The following ADGRV1 variants were observed in gnomAD, a reference collection of about 807,000 sequenced individuals.
ADGRV1 encodes adhesion G protein-coupled receptor V1.
A neutral mutation model predicts 596.2 loss-of-function variants in ADGRV1; 359 were observed. The ratio of observed to expected loss-of-function variants is 0.60; its 90% CI spans 0.55 to 0.66. ADGRV1 has a LOEUF of 0.66. ADGRV1 is among the 30% of genes least tolerant of loss of function. The pLI is 0.00. For synonymous variants in ADGRV1, 2,681 were observed against 2,679.2 expected, an observed-to-expected ratio of 1.00 and a Z score of -0.02; for missense variants, 7,274 against 7,575.6, an observed-to-expected ratio of 0.96 and a Z score of 1.48.
chr5:90,987,785 T>G (rs1276466381), intron 85 of ADGRV1, among the ~76,000 whole-genome samples: 1 of 152,110 alleles, frequency 6.6e-6, no homozygotes, highest in Non-Finnish European at 1.5e-5. Flanking sequence ...TTGCTTGTCT[T>G]CTAGGCTCTT....
At chr5:90,640,228 G>C (rs906833911) in intron 11 of ADGRV1, among the ~76,000 whole-genome samples, 1 of 152,124 alleles carries the variant, frequency 6.6e-6, no homozygotes. Context: ...GAAATACACT[G>C]TGGATTTGGA....
At chr5:91,126,731 A>G (rs1313152939) in intron 87 of ADGRV1, among the ~76,000 whole-genome samples, 1 of 152,140 alleles carries the variant, frequency 6.6e-6, no homozygotes, top group Middle Eastern at 3.2e-3. Flanking sequence ...CCAAGTTATG[A>G]CTTAATCTAT....
chr5:90,652,043 C>A (rs553112986), intron 18 of ADGRV1, among the ~76,000 whole-genome samples: 1 of 151,820 alleles, frequency 6.6e-6, no homozygotes, highest in South Asian at 2.1e-4. Context: ...TGTGACTACC[C>A]CCACCCTGTA....
chr5:90,591,376 A>G (rs1041259774), intron 1 of ADGRV1, among the ~76,000 whole-genome samples: 1 of 152,136 alleles, frequency 6.6e-6, no homozygotes, highest in African/African-American at 2.4e-5. Context: ...AGCCTGGGCA[A>G]CACAGCAAGA....
chr5:90,695,244 C>T (rs1277390264), intron 33 of ADGRV1, among the ~76,000 whole-genome samples: 2 of 152,110 alleles, frequency 1.3e-5, no homozygotes, highest in African/African-American at 4.8e-5. Context: ...ACTGTTCCTA[C>T]ACTTGAGATC....
chr5:90,630,516 T>G (rs1765367088), intron 9 of ADGRV1: 1 of 152,210 alleles, frequency 6.6e-6, no homozygotes, highest in Non-Finnish European at 1.5e-5. Context: ...TTCCATGTGT[T>G]GATTGCTTGA....
chr5:90,617,321 T>G (rs1482634975), intron 2 of ADGRV1: 3 of 152,004 alleles, frequency 2.0e-5, no homozygotes. Flanking sequence ...TTTCCTTTTT[T>G]TTTTTTGAGG....
chr5:91,069,045 G>A (rs1242903430), intron 85 of ADGRV1, among the ~76,000 whole-genome samples: 1 of 152,130 alleles, frequency 6.6e-6, no homozygotes, highest in African/African-American at 2.4e-5. Context: ...ACAGGGAAAG[G>A]ACTCTCTATT....
chr5:90,928,918 G>T (rs534728066), intron 83 of ADGRV1, among the ~76,000 whole-genome samples: 2 of 144,354 alleles, frequency 1.4e-5, no homozygotes, highest in Non-Finnish European at 3.1e-5. Context: ...GCCCCTGCTG[G>T]GGGGTGCCTC....
At chr5:90,880,511 A>G (rs918619268) in intron 83 of ADGRV1, among the ~76,000 whole-genome samples, 1 of 152,248 alleles carries the variant, frequency 6.6e-6, no homozygotes, top group Non-Finnish European at 1.5e-5. Context: ...ACACCAAAGT[A>G]GGACATTGAC....
chr5:90,925,150 T>A (rs555442805), intron 83 of ADGRV1, among the ~76,000 whole-genome samples: 252 of 152,282 alleles, frequency 1.7e-3, no homozygotes, highest in Middle Eastern at 3.4e-3. Flanking sequence ...TAAAGTAGTT[T>A]TTTCCAATTC....
At chr5:91,027,241 A>G (rs1387808696) in intron 85 of ADGRV1, among the ~76,000 whole-genome samples, 2 of 151,768 alleles carry the variant, frequency 1.3e-5, no homozygotes, top group Non-Finnish European at 2.9e-5. Flanking sequence ...CTTCTAATCT[A>G]TAAAACAAAT....
intron 61 of ADGRV1, among the ~76,000 whole-genome samples, chr5:90,777,653 CCTT>C: frequency 6.6e-6 from 1 of 152,214 alleles, no homozygotes; most frequent in East Asian, 1.9e-4. Context: ...TTTCTTTAAA[CCTT>C]CTGCTTTTAG....
At chr5:90,722,630 G>A (rs941122311) in intron 45 of ADGRV1, among the ~76,000 whole-genome samples, 3 of 143,694 alleles carry the variant, frequency 2.1e-5, no homozygotes, top group Non-Finnish European at 3.0e-5. Flanking sequence ...CAGGAGAATC[G>A]CTTGAACCTG....
At chr5:90,603,512 A>G (rs1295623317) in intron 1 of ADGRV1, among the ~76,000 whole-genome samples, 1 of 152,066 alleles carries the variant, frequency 6.6e-6, no homozygotes, top group Non-Finnish European at 1.5e-5. Flanking sequence ...GTGCACAGAG[A>G]TGGATTCCCT....
intron 83 of ADGRV1, among the ~76,000 whole-genome samples, chr5:90,866,301 T>TTGTGTG (rs1231960600): frequency 2.0e-3 from 174 of 86,418 alleles, no homozygotes; most frequent in African/African-American, 5.9e-3. Context: ...CTATAATTTA[T>TTGTGTG]TGTGTATGTG....
chr5:91,055,072 G>A (rs1463583629), intron 85 of ADGRV1, among the ~76,000 whole-genome samples: 3 of 152,138 alleles, frequency 2.0e-5, no homozygotes, highest in African/African-American at 7.2e-5. Context: ...TTATAAAAAG[G>A]TTGTAAGTTT....
intron 1 of ADGRV1, among the ~76,000 whole-genome samples, chr5:90,573,760 C>T (rs1166549918): frequency 6.6e-6 from 1 of 152,128 alleles, no homozygotes; most frequent in Non-Finnish European, 1.5e-5. Flanking sequence ...TAATAAATCA[C>T]TTGATTGAGA....
In ADGRV1 at chr5:90,750,553, T is replaced by C. The variant is rs1261723045; in HGVS notation, c.10977T>C (p.Asn3659=). 3 of 1,597,842 alleles carry C rather than the reference T, an allele frequency of 1.9e-6. No individual in the cohort carries two copies. In the Admixed American group the frequency reaches 5.1e-5, roughly 27 times the overall value. The change falls in exon 53 of 90, where the codon AAT becomes AAC. Residue 3659 remains asparagine (N), a splice_region_variant and synonymous_variant. Coordinates refer to ENST00000405460, the MANE Select transcript of ADGRV1 (RefSeq NM_032119.4). Reference sequence around the variant, plus strand: ...TGACTTTCTGTGTATTTTTTCAGAATTCATTATATAAGCAAGTGGAAGAAA... The same window carrying C: ...TGACTTTCTGTGTATTTTTTCAGAACTCATTATATAAGCAAGTGGAAGAAA... ...DAYGIVAFAQ[N]SLYKQVEEME...
Sources: gnomAD v4.1 joint callset for allele counts (sites outside exome capture counted in the v4.1 genomes callset) on GRCh38, gnomAD v4.1.1 for gene constraint, MANE v1.5 for transcripts, NCBI Gene and HGNC (gene_info 2026-07-23, HGNC 2026-07-21) for gene names.